UBE2E1: variants seen among roughly 807,000 people sequenced by gnomAD.
UBE2E1 encodes ubiquitin conjugating enzyme E2 E1.
A neutral mutation model predicts 21.4 loss-of-function variants in UBE2E1; 6 were observed. That is an observed-to-expected ratio of 0.28 (90% CI 0.15 to 0.55). UBE2E1 has a LOEUF of 0.55. Among genes scored for constraint, UBE2E1 ranks in the 20% least tolerant of loss-of-function variants. The pLI is 0.93. For synonymous variants in UBE2E1, 87 were observed against 82.7 expected (o/e 1.05, Z -0.28); for missense variants, 142 against 236.5 (o/e 0.60, Z 2.62).
At chr3:23,880,877 A>C (rs1701022832) in intron 3 of UBE2E1, among the ~76,000 whole-genome samples, 2 of 152,228 alleles carry the variant, frequency 1.3e-5, no homozygotes, top group Non-Finnish European at 2.9e-5. Context: ...TAATACCTCA[A>C]ATGATTTGTA....
At position 23,830,309 on chromosome 3, in the gene UBE2E1, A is replaced by G. The variant is rs116265290; in HGVS notation, c.203+18799A>G. ...TGTATTATAAATAGATTTAGGGTTC[A>G]CAAAGGTCAGCAGCCTTCATCTCTT... is the stretch of plus-strand genomic sequence containing the variant. On this transcript the variant is annotated intron_variant, in intron 3 of 5. Transcript: ENST00000306627. Among the ~76,000 whole-genome samples the G allele has an allele frequency of 1.4e-3, 216 of 152,352 alleles. 1 individual carries two copies. The highest frequency in any genetic ancestry group is 5.0e-3 in the African/African-American group (208 of 41,584).
chr3:23,807,561 G>A, intron 2 of UBE2E1, 140 bp downstream of exon 2: 3 of 1,078,900 alleles, frequency 2.8e-6, no homozygotes, highest in Non-Finnish European at 3.8e-6. Flanking sequence ...GGCCTTGGAA[G>A]CCCTAATTAT....
chr3:23,867,596 G>T (rs1411186286), intron 3 of UBE2E1, among the ~76,000 whole-genome samples: 1 of 152,188 alleles, frequency 6.6e-6, no homozygotes, highest in Non-Finnish European at 1.5e-5. Flanking sequence ...AGTTTCTCCT[G>T]TGTGGGCTCT....
intron 3 of UBE2E1, among the ~76,000 whole-genome samples, chr3:23,861,546 A>G (rs535296202): frequency 2.6e-5 from 4 of 152,190 alleles, no homozygotes; most frequent in Admixed American, 6.5e-5. Context: ...TCCCAAGACC[A>G]CTTTGACCCG....
At chr3:23,851,504 C>T (rs1353721329) in intron 3 of UBE2E1, among the ~76,000 whole-genome samples, 1 of 151,916 alleles carries the variant, frequency 6.6e-6, no homozygotes, top group Non-Finnish European at 1.5e-5. Context: ...GAGAAGTATT[C>T]CCATATTAAT....
chr3:23,885,424 T>A (rs944448144), intron 3 of UBE2E1, among the ~76,000 whole-genome samples: 1 of 152,130 alleles, frequency 6.6e-6, no homozygotes, highest in Admixed American at 6.5e-5. Flanking sequence ...ACTGGAGAAG[T>A]TTCTGCCTGT....
rs114192240 is a variant in UBE2E1, at chr3:23,878,716, G to T, written c.204-8851G>T. On this transcript the variant is annotated intron_variant, in intron 3 of 5. Coordinates refer to ENST00000306627, the MANE Select transcript of UBE2E1 (RefSeq NM_003341.5). ...TGCGTGCTCCTTATGAGAATCTAAT[G>T]CCTGATGATCTGCTACTGTCACCCA... Among the ~76,000 whole-genome samples the T allele has an allele frequency of 7.6e-3, 1,151 of 152,306 alleles. 14 individuals carry two copies. The highest frequency in any genetic ancestry group is 0.026 in the African/African-American group (1,078 of 41,564).
chr3:23,830,444 T>TGTTTGTTTTG (rs1388264238), intron 3 of UBE2E1, among the ~76,000 whole-genome samples: 6 of 152,208 alleles, frequency 3.9e-5, no homozygotes, highest in East Asian at 1.9e-4. Flanking sequence ...TGTTTGTTTT[T>TGTTTGTTTTG]GGCAAGCTGA....
rs1018413124 is a variant in UBE2E1 at position 23,842,733 on chromosome 3, A to G, written c.203+31223A>G. Among the ~76,000 whole-genome samples, 3 of 152,184 alleles carry G rather than the reference A, an allele frequency of 2.0e-5. No individual in the cohort carries two copies. The highest frequency in any genetic ancestry group is 4.8e-5 in the African/African-American group (2 of 41,448). On this transcript the variant is annotated intron_variant, in intron 3 of 5. Coordinates refer to ENST00000306627, the MANE Select transcript of UBE2E1 (RefSeq NM_003341.5). The surrounding 1 kb of genome is among the most constrained non-coding windows in gnomAD (Gnocchi z 4.6). ...TAAAAATTTTAATTTTGGTTTTTGA[A>G]GTCACACATAAGTTTTTATACTTTT...
chr3:23,883,494 A>T (rs1701102140), intron 3 of UBE2E1, among the ~76,000 whole-genome samples: 1 of 152,194 alleles, frequency 6.6e-6, no homozygotes. Flanking sequence ...TCCAATGAGA[A>T]CTTAGGAAAC....
chr3:23,869,480 C>T (rs1233350630), intron 3 of UBE2E1, among the ~76,000 whole-genome samples: 1 of 148,872 alleles, frequency 6.7e-6, no homozygotes, highest in Non-Finnish European at 1.5e-5. Context: ...GTCATTCCTG[C>T]ACTCCTGCCT....
chr3:23,887,531 C>G lies in UBE2E1; in HGVS notation c.204-36C>G. 2.5e-6 allele frequency: 4 copies of G among 1,585,034 alleles called. No individual in the cohort carries two copies. Among genetic ancestry groups the G allele is most frequent in the Non-Finnish European group, 3.4e-6 (4 of 1,169,660 alleles). On this transcript the variant is annotated intron_variant, in intron 3 of 5. Coordinates refer to ENST00000306627, the MANE Select transcript of UBE2E1 (RefSeq NM_003341.5). This position sits in a 1 kb window ranked among gnomAD's most constrained non-coding sequence, Gnocchi z 4.4. ...ATACACTGTAAAAATTGGGATAGTG[C>G]CACCATCTGCTTATTTGTTGACGTA... is the stretch of plus-strand genomic sequence containing the variant.
rs1701437774 is a variant in UBE2E1, at chr3:23,891,248, G to A, written c.*642G>A. On this transcript the variant is annotated 3_prime_UTR_variant, in exon 6 of 6. Transcript: ENST00000306627. ...GAGTTGCTCAGTGGATTGGTTCTAT[G>A]TTGTGGACTACTTAAGTCTGCATTT... 6.6e-6 allele frequency: 1 copy of A among 152,238 alleles called. No individual in the cohort carries two copies. The highest frequency in any genetic ancestry group is 1.5e-5 in the Non-Finnish European group (1 of 68,042). 9.4% of individuals were successfully genotyped at this position (152,238 alleles called of 1,614,324 possible). A position where few individuals can be genotyped will look rare whatever the true frequency, so the allele number is the denominator to read the frequency against.
At chr3:23,866,284 T>G (rs17787217) in intron 3 of UBE2E1, 1 of 152,232 alleles carries the variant, frequency 6.6e-6, no homozygotes, top group Non-Finnish European at 1.5e-5. Flanking sequence ...AACAAAGAAG[T>G]TGCAGAGGCC....
intron 3 of UBE2E1, among the ~76,000 whole-genome samples, chr3:23,862,889 C>T (rs533171417): frequency 6.6e-6 from 1 of 152,174 alleles, no homozygotes; most frequent in African/African-American, 2.4e-5. Context: ...CCACACTCAG[C>T]TAATTTTTAA....
At chr3:23,827,153 C>T (rs1699775595) in intron 3 of UBE2E1, among the ~76,000 whole-genome samples, 1 of 150,584 alleles carries the variant, frequency 6.6e-6, no homozygotes, top group Non-Finnish European at 1.5e-5. Context: ...GCTATTTGCT[C>T]AAAGGGAAAA....
In UBE2E1 at chr3:23,890,866, G is replaced by C; in HGVS notation, c.*260G>C. The C allele has an allele frequency of 3.3e-6, 1 of 303,092 alleles. No homozygotes were observed. The allele number at this position is 303,092 out of a possible 1,614,324, so 18.8% of individuals were successfully genotyped here. A position where few individuals can be genotyped will look rare whatever the true frequency, so the allele number is the denominator to read the frequency against. On this transcript the variant is annotated 3_prime_UTR_variant, in exon 6 of 6. Transcript: ENST00000306627. ...TAGTACAGAAAAGAATGTACATTTA[G>C]ACATTTGGGTTCAGTTGCTTGTAGT...
intron 3 of UBE2E1, among the ~76,000 whole-genome samples, chr3:23,814,594 G>GA (rs1427990674): frequency 3.3e-5 from 5 of 152,048 alleles, no homozygotes; most frequent in South Asian, 2.1e-4. Context: ...TTCTTTTAGG[G>GA]AAAAAAATAT....
chr3:23,815,345 T>C (rs535596927), intron 3 of UBE2E1, among the ~76,000 whole-genome samples: 20 of 152,304 alleles, frequency 1.3e-4, no homozygotes, highest in African/African-American at 1.9e-4. Context: ...AGCTTTTTTT[T>C]CCCTAACACT....
Sources: allele counts gnomAD v4.1 joint callset (sites outside exome capture counted in the v4.1 genomes callset), GRCh38; gene constraint gnomAD v4.1.1; non-coding constraint Gnocchi (gnomAD v3.1); transcripts MANE v1.5; gene names NCBI Gene and HGNC (gene_info 2026-07-23, HGNC 2026-07-21).